The following LDB2 variants were observed in gnomAD, a reference collection of about 807,000 sequenced individuals.
LDB2 encodes LIM domain binding 2.
A neutral mutation model predicts 44.3 loss-of-function variants in LDB2; 12 were observed. That is an observed-to-expected ratio of 0.27 (90% CI 0.17 to 0.44). The LOEUF (loss-of-function observed/expected upper bound fraction) is 0.44, where lower values mean the gene tolerates loss of function less well. Among genes scored for constraint, LDB2 ranks in the 20% least tolerant of loss-of-function variants. LDB2 has a pLI of 1.00. For missense variants in LDB2, 344 were observed against 473.5 expected, an observed-to-expected ratio of 0.73 and a Z score of 2.54; for synonymous variants, 164 against 174.8, an observed-to-expected ratio of 0.94 and a Z score of 0.49.
At chr4:16,560,197 G>A (rs1366170854) in intron 5 of LDB2, among the ~76,000 whole-genome samples, 1 of 152,028 alleles carries the variant, frequency 6.6e-6, no homozygotes, top group Non-Finnish European at 1.5e-5. Flanking sequence ...GCTAGCAGAA[G>A]GCAAGAAATA....
At chr4:16,887,536 G>GT (rs138515553) in intron 1 of LDB2, among the ~76,000 whole-genome samples, 10,789 of 152,028 alleles carry the variant, frequency 0.071, 654 homozygotes, top group African/African-American at 0.16. Context: ...AAAAAAGGTT[G>GT]TTTTTTTGTG....
intron 2 of LDB2, among the ~76,000 whole-genome samples, chr4:16,748,109 A>G (rs1561086459): frequency 6.6e-6 from 1 of 152,192 alleles, no homozygotes; most frequent in Admixed American, 6.5e-5. Context: ...GTGCTTCATT[A>G]AATGGGAGGG....
intron 2 of LDB2, among the ~76,000 whole-genome samples, chr4:16,692,619 A>T (rs1751059110): frequency 6.6e-6 from 1 of 152,164 alleles, no homozygotes; most frequent in Non-Finnish European, 1.5e-5. Flanking sequence ...AGAAATAAAA[A>T]GAACCTCTTC....
intron 2 of LDB2, among the ~76,000 whole-genome samples, chr4:16,710,574 T>C (rs1755646649): frequency 6.6e-6 from 1 of 152,068 alleles, no homozygotes; most frequent in Admixed American, 6.5e-5. Context: ...GCTATTGAGA[T>C]GGAATAAAAT....
chr4:16,734,483 TA>T (rs1272338908), intron 2 of LDB2, among the ~76,000 whole-genome samples: 1 of 151,994 alleles, frequency 6.6e-6, no homozygotes, highest in Admixed American at 6.5e-5. Context: ...GAGACTTCAT[TA>T]AAACAAAAAA....
intron 1 of LDB2, among the ~76,000 whole-genome samples, chr4:16,830,087 G>T (rs976094402): frequency 6.6e-6 from 1 of 152,018 alleles, no homozygotes; most frequent in African/African-American, 2.4e-5. Flanking sequence ...CTTCAGCCTG[G>T]TGACAGAGCA....
At chr4:16,613,877 C>T (rs1306339068) in intron 2 of LDB2, among the ~76,000 whole-genome samples, 1 of 152,164 alleles carries the variant, frequency 6.6e-6, no homozygotes, top group Non-Finnish European at 1.5e-5. Context: ...CTATTCCCAT[C>T]AAGCTACATT....
intron 1 of LDB2, among the ~76,000 whole-genome samples, chr4:16,782,442 C>G (rs573041704): frequency 5.5e-4 from 83 of 152,136 alleles, no homozygotes; most frequent in African/African-American, 1.9e-3. Flanking sequence ...CCTCCACCTC[C>G]CAGGTTCAGG....
At chr4:16,792,642 T>C (rs953046810) in intron 1 of LDB2, among the ~76,000 whole-genome samples, 2 of 152,268 alleles carry the variant, frequency 1.3e-5, no homozygotes, top group Admixed American at 6.5e-5. Context: ...AAAGAGCCCA[T>C]AGACATTACC....
chr4:16,679,047 C>T (rs1747101947), intron 2 of LDB2, among the ~76,000 whole-genome samples: 1 of 152,188 alleles, frequency 6.6e-6, no homozygotes, highest in South Asian at 2.1e-4. Flanking sequence ...ATCATATATA[C>T]ACAAATTTAC....
intron 1 of LDB2, among the ~76,000 whole-genome samples, chr4:16,893,324 C>G (rs1398474081): frequency 2.6e-5 from 4 of 151,828 alleles, no homozygotes; most frequent in Admixed American, 2.6e-4. Context: ...GGAGAAACCT[C>G]CAAGTTACCA....
chr4:16,694,888 T>C (rs1327842514), intron 2 of LDB2, among the ~76,000 whole-genome samples: 2 of 152,226 alleles, frequency 1.3e-5, no homozygotes, highest in Non-Finnish European at 2.9e-5. Context: ...GTTATGATTA[T>C]AATGCTGATG....
At chr4:16,639,424 T>G (rs1734539136) in intron 2 of LDB2, among the ~76,000 whole-genome samples, 1 of 152,170 alleles carries the variant, frequency 6.6e-6, no homozygotes, top group Admixed American at 6.5e-5. Context: ...AATAGTAAGT[T>G]TGATGAAAGA....
chr4:16,807,558 T>C (rs1049483675), intron 1 of LDB2, among the ~76,000 whole-genome samples: 1 of 152,210 alleles, frequency 6.6e-6, no homozygotes, highest in Non-Finnish European at 1.5e-5. Flanking sequence ...CCCTGAGGAA[T>C]AGCAGCTGTT....
chr4:16,711,766 A>G (rs1404063194), intron 2 of LDB2, among the ~76,000 whole-genome samples: 1 of 152,226 alleles, frequency 6.6e-6, no homozygotes, highest in African/African-American at 2.4e-5. Context: ...AATAGAATTC[A>G]AAGTACAGAA....
intron 2 of LDB2, among the ~76,000 whole-genome samples, chr4:16,632,526 C>T (rs558759487): frequency 2.6e-4 from 39 of 152,272 alleles, no homozygotes; most frequent in African/African-American, 8.4e-4. Context: ...CAGCACAAGA[C>T]GAGGATGTCG....
chr4:16,813,689 C>T (rs1780334743), intron 1 of LDB2, among the ~76,000 whole-genome samples: 1 of 152,148 alleles, frequency 6.6e-6, no homozygotes, highest in African/African-American at 2.4e-5. Flanking sequence ...ATAAGCAAGA[C>T]AGTGAGGGGA....
chr4:16,701,722 C>T (rs556795070), intron 2 of LDB2, among the ~76,000 whole-genome samples: 5 of 152,268 alleles, frequency 3.3e-5, no homozygotes, highest in African/African-American at 1.2e-4. Flanking sequence ...CGGCTTGTGG[C>T]GTTCAGGCTG....
chr4:16,849,980 A>G (rs796581968), intron 1 of LDB2, among the ~76,000 whole-genome samples: 3 of 152,374 alleles, frequency 2.0e-5, no homozygotes, highest in African/African-American at 7.2e-5. Context: ...AGGAAGGTGA[A>G]GCGCTTTCAT....
Sources: allele counts gnomAD v4.1 joint callset (sites outside exome capture counted in the v4.1 genomes callset), GRCh38; gene constraint gnomAD v4.1.1; transcripts MANE v1.5; gene names NCBI Gene and HGNC (gene_info 2026-07-23, HGNC 2026-07-21).